Variants in SLC17A1 observed in about 807,000 individuals in gnomAD.
SLC17A1 encodes solute carrier family 17 member 1.
In SLC17A1, 51 loss-of-function variants were observed where a neutral mutation model predicts 53.5. The observed-to-expected ratio is 0.95, with a 90% confidence interval of 0.76 to 1.20. SLC17A1 has a LOEUF of 1.20. SLC17A1 is among the 50% of genes most tolerant of loss of function. The pLI, the probability that SLC17A1 is intolerant of heterozygous loss-of-function variation, is 0.00. For synonymous variants in SLC17A1, 179 were observed against 198.8 expected (o/e 0.90, Z 0.84); for missense variants, 538 against 568.2 (o/e 0.95, Z 0.54).
At chr6:25,779,337 A>G (rs1254554206), downstream of SLC17A1, 2 of 1,093,060 alleles carry the variant, frequency 1.8e-6, no homozygotes, top group African/African-American at 1.6e-5. Context: ...TGGAAATTTT[A>G]CAGGGGAAGA....
At chr6:25,727,373 T>C in the SLC17A1 span, 11 of 1,325,146 alleles carry the variant, frequency 8.3e-6, no homozygotes, top group East Asian at 2.4e-4. Context: ...GTGGGCTTCG[T>C]TTTTGTGTAG....
chr6:25,829,385 T>A (rs1764866125), intron 2 of SLC17A1, among the ~76,000 whole-genome samples: 1 of 152,294 alleles, frequency 6.6e-6, no homozygotes, highest in East Asian at 1.9e-4. Context: ...GGTAAAAGAA[T>A]ACCCCTGAGA....
the SLC17A1 span, among the ~76,000 whole-genome samples, chr6:25,737,481 T>C: frequency 1.3e-5 from 2 of 152,086 alleles, no homozygotes; most frequent in African/African-American, 2.4e-5. Flanking sequence ...GGAGGTTAGT[T>C]TGAGTAGTAA....
chr6:25,753,296 C>A, the SLC17A1 span, among the ~76,000 whole-genome samples: 1 of 152,076 alleles, frequency 6.6e-6, no homozygotes, highest in Non-Finnish European at 1.5e-5. Flanking sequence ...GACAGCAGGG[C>A]AGAGGTCAGT....
At chr6:25,732,765 TC>T in the SLC17A1 span, 2 of 1,014,958 alleles carry the variant, frequency 2.0e-6, no homozygotes, top group Non-Finnish European at 2.9e-6. Flanking sequence ...TTGCCCAACA[TC>T]CAAGCTGTGC....
the SLC17A1 span, among the ~76,000 whole-genome samples, chr6:25,725,054 T>G: frequency 6.7e-6 from 1 of 149,158 alleles, no homozygotes; most frequent in Admixed American, 6.7e-5. Flanking sequence ...AACTGTTGAA[T>G]ATCGTACAAT....
At chr6:25,804,127 A>G (rs1763877827) in intron 10 of SLC17A1, among the ~76,000 whole-genome samples, 1 of 152,180 alleles carries the variant, frequency 6.6e-6, no homozygotes, top group Admixed American at 6.5e-5. Context: ...TGACTTATAT[A>G]GATATTTCTT....
intron 8 of SLC17A1, 130 bp downstream of exon 8, chr6:25,812,701 T>C (rs1159195094): frequency 1.5e-6 from 1 of 652,692 alleles, no homozygotes; most frequent in South Asian, 2.1e-5. Flanking sequence ...AAACAGTTAG[T>C]TTCCAGGTGA....
chr6:25,779,197 A>G (rs1258531454), downstream of SLC17A1: 1 of 1,613,272 alleles, frequency 6.2e-7, no homozygotes, highest in Admixed American at 1.7e-5. Flanking sequence ...GAGCAAACCG[A>G]GAGATGTGCT....
intron 3 of SLC17A1, among the ~76,000 whole-genome samples, chr6:25,820,899 A>G (rs1764535436): frequency 6.8e-6 from 1 of 146,766 alleles, no homozygotes; most frequent in Admixed American, 6.8e-5. Flanking sequence ...CTCCATCTCA[A>G]AAAAAAAAAA....
chr6:25,759,091 T>A, the SLC17A1 span, among the ~76,000 whole-genome samples: 1 of 152,222 alleles, frequency 6.6e-6, no homozygotes. Flanking sequence ...TTAATTTCCA[T>A]GTATTTGCAC....
chr6:25,813,202 A>C lies in SLC17A1; in HGVS notation c.628T>G (p.Cys210Gly), dbSNP rs754443994. 6.2e-7 allele frequency: 1 copy of C among 1,613,990 alleles called. No individual in the cohort carries two copies. The highest frequency in any genetic ancestry group is 1.7e-5 in the Admixed American group (1 of 60,028). ...ACGAACCAGAGAAGACATACGGCAC[A>C]GCCACAAGCACCTATCAAAGCAGGG... ...MVFYIFGACG[C>G]AVCLLWFVLF... Residue 210 changes from cysteine (C) to glycine (G), a missense_variant, in exon 7 of 13, where the codon TGT becomes GGT. Cys to Gly is a radical substitution (Grantham distance 159). Transcript: ENST00000244527.
the SLC17A1 span, among the ~76,000 whole-genome samples, chr6:25,739,266 G>C: frequency 6.6e-6 from 1 of 152,194 alleles, no homozygotes; most frequent in African/African-American, 2.4e-5. Flanking sequence ...AGAGAAGAGA[G>C]ATAGAAAGCA....
At chr6:25,741,781 A>G in the SLC17A1 span, among the ~76,000 whole-genome samples, 1 of 152,062 alleles carries the variant, frequency 6.6e-6, no homozygotes, top group African/African-American at 2.4e-5. Context: ...CATGCCTGTA[A>G]TCCCAGCTAG....
chr6:25,763,532 G>C, the SLC17A1 span, among the ~76,000 whole-genome samples: 1 of 152,110 alleles, frequency 6.6e-6, no homozygotes, highest in Non-Finnish European at 1.5e-5. Flanking sequence ...AGACTCCCAG[G>C]GCACTGCTGG....
chr6:25,813,247 T>G (rs1764223468), intron 6 of SLC17A1, 34 bp from the exon 7 acceptor site: 1 of 1,549,128 alleles, frequency 6.5e-7, no homozygotes, highest in African/African-American at 1.4e-5. Context: ...ATTGGAAGTC[T>G]CTGTTTGTAG....
At chr6:25,791,240 T>C (rs1763494454) in intron 12 of SLC17A1, among the ~76,000 whole-genome samples, 1 of 152,164 alleles carries the variant, frequency 6.6e-6, no homozygotes, top group African/African-American at 2.4e-5. Flanking sequence ...CTAAAAACAC[T>C]GCTACAGGTC....
the SLC17A1 span, among the ~76,000 whole-genome samples, chr6:25,745,449 G>C: frequency 5.0e-4 from 76 of 152,278 alleles, no homozygotes; most frequent in South Asian, 1.2e-3. Flanking sequence ...ACATTTGAGA[G>C]AGGCCTCCAA....
chr6:25,731,997 G>A, the SLC17A1 span: 2 of 1,578,580 alleles, frequency 1.3e-6, no homozygotes, highest in Admixed American at 3.4e-5. Context: ...GGCCTTGGAA[G>A]AGATTCCAGT....
Sources: allele counts gnomAD v4.1 joint callset (sites outside exome capture counted in the v4.1 genomes callset), GRCh38; gene constraint gnomAD v4.1.1; transcripts MANE v1.5; gene names NCBI Gene and HGNC (gene_info 2026-07-23, HGNC 2026-07-21).